Variants in ZNRF1 observed in about 807,000 individuals in gnomAD.
The protein encoded by ZNRF1 is zinc and ring finger 1.
In ZNRF1, 3 loss-of-function variants were observed where a neutral mutation model predicts 18.4. The observed-to-expected ratio is 0.16, with a 90% confidence interval of 0.07 to 0.42. The LOEUF (loss-of-function observed/expected upper bound fraction) is 0.42, where lower values mean the gene tolerates loss of function less well. Among genes scored for constraint, ZNRF1 ranks in the 10% least tolerant of loss-of-function variants. The probability of loss-of-function intolerance (pLI) is 0.99; values close to 1 mark genes in which losing one functional copy is unlikely to be tolerated. For missense variants in ZNRF1, 310 were observed against 329.8 expected (o/e 0.94, Z 0.47); for synonymous variants, 157 against 144.2 (o/e 1.09, Z -0.64).
chr16:75,019,703 T>TTTTTG lies in ZNRF1; in HGVS notation c.424+19616_424+19620dup, dbSNP rs1300301077. On this transcript the variant is annotated intron_variant, in intron 1 of 4. Transcript: ENST00000335325. ...TCTTCCATATTTTACCAACTTTTGA[T>TTTTTG]TTTTGTTTTGTTCTGTTTTGTTTTG... Among the ~76,000 whole-genome samples, 684 of 152,166 alleles carry TTTTTG rather than the reference T, an allele frequency of 4.5e-3. 9 individuals carry two copies. Among genetic ancestry groups the TTTTTG allele is most frequent in the African/African-American group, 0.015 (627 of 41,520 alleles).
At chr16:75,030,757 T>C (rs1411332200) in intron 1 of ZNRF1, among the ~76,000 whole-genome samples, 1 of 151,982 alleles carries the variant, frequency 6.6e-6, no homozygotes, top group African/African-American at 2.4e-5. Context: ...AACGCATAGC[T>C]TTTAGCATCT....
intron 2 of ZNRF1, chr16:75,095,483 C>A: frequency 8.8e-7 from 1 of 1,140,412 alleles, no homozygotes; most frequent in Non-Finnish European, 1.2e-6. Flanking sequence ...CCTCCCTAGC[C>A]ATGGCCTCAA....
intron 2 of ZNRF1, 129 bp from the exon 3 acceptor site, chr16:75,104,655 T>C: frequency 1.5e-6 from 1 of 689,488 alleles, no homozygotes; most frequent in Non-Finnish European, 2.5e-6. Context: ...TGGGGTTCTG[T>C]GTCCCCTGCA....
At chr16:75,075,613 T>C (rs1260416214) in intron 1 of ZNRF1, among the ~76,000 whole-genome samples, 1 of 152,214 alleles carries the variant, frequency 6.6e-6, no homozygotes, top group Non-Finnish European at 1.5e-5. Context: ...GTGATGTTCA[T>C]TCATCCAACA....
At chr16:75,030,419 G>T (rs1237791789) in intron 1 of ZNRF1, among the ~76,000 whole-genome samples, 2 of 151,632 alleles carry the variant, frequency 1.3e-5, no homozygotes, top group Admixed American at 6.6e-5. Context: ...ACTTTGATCT[G>T]CAGTAGCTGG....
intron 1 of ZNRF1, among the ~76,000 whole-genome samples, chr16:75,059,229 C>CTTTTTTTTTTTTTTCTTTTTTTTT (rs2035709085): frequency 1.1e-5 from 1 of 92,876 alleles, no homozygotes; most frequent in Non-Finnish European, 2.1e-5. Flanking sequence ...TTCTTTCTTT[C>CTTTTTTTTTTTTTTCTTTTTTTTT]TTTTTTTTTT....
At chr16:75,010,711 G>GTGTTTTTTTTTTTTTTTTTTTTTTTTT (rs1367958306) in intron 1 of ZNRF1, among the ~76,000 whole-genome samples, 1 of 74,324 alleles carries the variant, frequency 1.3e-5, no homozygotes, top group African/African-American at 3.9e-5. Flanking sequence ...GTTTTTTTTT[G>GTGTTTTTTTTTTTTTTTTTTTTTTTTT]TTTTTTTGTT....
At chr16:75,094,566 C>T (rs1040442927) in intron 2 of ZNRF1, among the ~76,000 whole-genome samples, 1 of 152,150 alleles carries the variant, frequency 6.6e-6, no homozygotes, top group African/African-American at 2.4e-5. Flanking sequence ...ATACTTGGTT[C>T]ATAGGATTGT....
At chr16:75,009,780 A>C (rs2034970278) in intron 1 of ZNRF1, among the ~76,000 whole-genome samples, 1 of 150,284 alleles carries the variant, frequency 6.7e-6, no homozygotes, top group Admixed American at 6.6e-5. Context: ...CAGTTTCTCC[A>C]CATCCTTGCC....
chr16:75,024,062 G>A (rs1020576641), intron 1 of ZNRF1, among the ~76,000 whole-genome samples: 1 of 151,902 alleles, frequency 6.6e-6, no homozygotes. Context: ...TAGAAACGGG[G>A]TTTCACCATG....
intron 1 of ZNRF1, among the ~76,000 whole-genome samples, chr16:75,078,296 C>CTTTTTTTTTTTTTTT (rs36075131): frequency 1.8e-5 from 2 of 113,126 alleles, no homozygotes; most frequent in African/African-American, 3.7e-5. Context: ...TCTTTCTTTC[C>CTTTTTTTTTTTTTTT]TTTTTTTTTT....
intron 1 of ZNRF1, among the ~76,000 whole-genome samples, chr16:75,087,466 C>T (rs1257411513): frequency 6.6e-6 from 1 of 152,204 alleles, no homozygotes; most frequent in Non-Finnish European, 1.5e-5. Flanking sequence ...CTGGCTGATC[C>T]AACTCTCTGC....
intron 1 of ZNRF1, among the ~76,000 whole-genome samples, chr16:75,075,398 C>G (rs779183061): frequency 6.6e-6 from 1 of 152,206 alleles, no homozygotes; most frequent in Non-Finnish European, 1.5e-5. Context: ...GCAGCATGAC[C>G]GCAGTGGGTT....
intron 1 of ZNRF1, among the ~76,000 whole-genome samples, chr16:75,041,910 C>G (rs1404823541): frequency 6.6e-6 from 1 of 151,986 alleles, no homozygotes. Context: ...GCAGGAGAAT[C>G]ACTTGAACCT....
intron 2 of ZNRF1, among the ~76,000 whole-genome samples, chr16:75,101,869 GA>G (rs1282633823): frequency 1.3e-5 from 2 of 152,210 alleles, no homozygotes; most frequent in African/African-American, 2.4e-5. Context: ...CAAGCAGGGG[GA>G]TCACACCCAT....
chr16:75,004,914 C>T (rs2034899388), intron 1 of ZNRF1, among the ~76,000 whole-genome samples: 1 of 152,180 alleles, frequency 6.6e-6, no homozygotes, highest in African/African-American at 2.4e-5. Context: ...CCACGCCTGG[C>T]CCAACGTGGC....
chr16:75,002,015 C>G (rs550193222), intron 1 of ZNRF1, among the ~76,000 whole-genome samples: 1 of 152,220 alleles, frequency 6.6e-6, no homozygotes, highest in African/African-American at 2.4e-5. Flanking sequence ...TGTAGGTAAT[C>G]CATTCCTTAC....
At chr16:75,037,159 GGAT>G (rs1236133755) in intron 1 of ZNRF1, among the ~76,000 whole-genome samples, 8 of 152,236 alleles carry the variant, frequency 5.3e-5, no homozygotes, top group Middle Eastern at 6.8e-3. Context: ...TGAGCAGAAT[GGAT>G]GATACTGTTG....
At chr16:75,011,719 T>C (rs1272737896) in intron 1 of ZNRF1, among the ~76,000 whole-genome samples, 2 of 152,242 alleles carry the variant, frequency 1.3e-5, no homozygotes, top group Non-Finnish European at 2.9e-5. Context: ...ACTTGCAAGC[T>C]AGCTGCCATC....
Sources: gnomAD v4.1 joint callset for allele counts (sites outside exome capture counted in the v4.1 genomes callset) on GRCh38, gnomAD v4.1.1 for gene constraint, MANE v1.5 for transcripts, NCBI Gene and HGNC (gene_info 2026-07-23, HGNC 2026-07-21) for gene names.